ARHGAP35: variants seen among roughly 807,000 people sequenced by gnomAD.
The protein encoded by ARHGAP35 is Rho GTPase activating protein 35.
A neutral mutation model predicts 111.1 loss-of-function variants in ARHGAP35; 15 were observed. The ratio of observed to expected loss-of-function variants is 0.13; its 90% confidence interval spans 0.09 to 0.21. The LOEUF (loss-of-function observed/expected upper bound fraction) is 0.21, where lower values mean the gene tolerates loss of function less well. Among genes scored for constraint, ARHGAP35 ranks in the 10% least tolerant of loss-of-function variants. ARHGAP35 has a pLI of 1.00. For synonymous variants in ARHGAP35, 643 were observed against 710.3 expected (o/e 0.91, Z 1.51); for missense variants, 1,262 against 1,873.0 (o/e 0.67, Z 6.02).
At chr19:46,876,609 GATTCA>G (rs2055923571) in intron 1 of ARHGAP35, among the ~76,000 whole-genome samples, 1 of 151,960 alleles carries the variant, frequency 6.6e-6, no homozygotes, top group Non-Finnish European at 1.5e-5. Flanking sequence ...CTGACCTCAT[GATTCA>G]CCTGCCTCGG....
chr19:46,959,818 G>A (rs956553282), intron 3 of ARHGAP35, among the ~76,000 whole-genome samples: 6 of 150,308 alleles, frequency 4.0e-5, no homozygotes, highest in South Asian at 2.1e-4. Flanking sequence ...AGCCAGGTGC[G>A]AGTGTGGTGG....
chr19:46,913,931 CGG>C (rs960047572), intron 1 of ARHGAP35, among the ~76,000 whole-genome samples: 3 of 152,242 alleles, frequency 2.0e-5, no homozygotes, highest in African/African-American at 7.2e-5. Context: ...TGGATATGCC[CGG>C]TCTCCTACTT....
intron 3 of ARHGAP35, among the ~76,000 whole-genome samples, chr19:46,973,772 G>A (rs567594083): frequency 6.6e-6 from 1 of 152,132 alleles, no homozygotes; most frequent in South Asian, 2.1e-4. Flanking sequence ...TGGATCACAA[G>A]GTCAGGAGTT....
chr19:46,916,982 A>C (rs1397499329), intron 1 of ARHGAP35, among the ~76,000 whole-genome samples: 1 of 149,960 alleles, frequency 6.7e-6, no homozygotes, highest in East Asian at 1.9e-4. Context: ...TCTTTTTTTT[A>C]CTGTGTTAAA....
chr19:46,981,158 G>A (rs1290699299), intron 3 of ARHGAP35, among the ~76,000 whole-genome samples: 1 of 152,196 alleles, frequency 6.6e-6, no homozygotes, highest in Non-Finnish European at 1.5e-5. Flanking sequence ...TGCTCAAAGA[G>A]TTTCCTTCTC....
chr19:46,885,189 C>A (rs989382863), intron 1 of ARHGAP35, among the ~76,000 whole-genome samples: 2 of 152,166 alleles, frequency 1.3e-5, no homozygotes, highest in African/African-American at 4.8e-5. Flanking sequence ...ATCTCATTCC[C>A]CTGTGAACTC....
Position 46,962,398 on chromosome 19 carries a change from A to G in ARHGAP35, c.3826+24990A>G, listed in dbSNP as rs532993479. Among the ~76,000 whole-genome samples the G allele has an allele frequency of 2.6e-5, 4 of 152,268 alleles. No individual in the cohort carries two copies. The East Asian group carries it at 7.7e-4, about 29-fold the overall frequency. ...CTTGGAAAGGCCGTGAATGTGTGAC[A>G]ATGTCTCTCACCTTGAGGCCCCTGA... On this transcript the variant is annotated intron_variant, in intron 3 of 6. Transcript: ENST00000672722.
chr19:46,868,757 T>C (rs1371751269), intron 1 of ARHGAP35, among the ~76,000 whole-genome samples: 2 of 152,154 alleles, frequency 1.3e-5, no homozygotes, highest in African/African-American at 2.4e-5. Context: ...GATTTTTCTT[T>C]AGGCAACTAA....
intron 1 of ARHGAP35, among the ~76,000 whole-genome samples, chr19:46,862,945 C>T (rs1260579789): frequency 6.6e-6 from 1 of 151,964 alleles, no homozygotes; most frequent in Non-Finnish European, 1.5e-5. Context: ...CCTATGTATT[C>T]CCCCCCACCT....
chr19:46,893,732 C>A (rs1450017950), intron 1 of ARHGAP35, among the ~76,000 whole-genome samples: 4 of 151,792 alleles, frequency 2.6e-5, no homozygotes, highest in South Asian at 2.1e-4. Context: ...GGACTTAAAT[C>A]TTTCAATAAG....
intron 3 of ARHGAP35, among the ~76,000 whole-genome samples, chr19:46,983,468 T>C (rs1599864824): frequency 6.6e-6 from 1 of 152,124 alleles, no homozygotes; most frequent in East Asian, 1.9e-4. Flanking sequence ...CAGGTATTCA[T>C]CTTTTTAAAC....
At chr19:46,911,902 C>G (rs1168710715) in intron 1 of ARHGAP35, among the ~76,000 whole-genome samples, 2 of 152,012 alleles carry the variant, frequency 1.3e-5, no homozygotes, top group Non-Finnish European at 2.9e-5. Flanking sequence ...TCTAATTTAT[C>G]TTTATTCAAA....
intron 1 of ARHGAP35, among the ~76,000 whole-genome samples, chr19:46,879,496 A>G (rs140026693): frequency 3.2e-3 from 294 of 92,766 alleles, no homozygotes; most frequent in Non-Finnish European, 5.6e-3. Context: ...CTGAGGTAGA[A>G]GAATCGATTG....
chr19:46,867,777 T>G (rs1425760596), intron 1 of ARHGAP35, among the ~76,000 whole-genome samples: 1 of 147,952 alleles, frequency 6.8e-6, no homozygotes, highest in Admixed American at 6.8e-5. Context: ...GTTGTTGTTG[T>G]TTTTTTTTTG....
At chr19:46,931,141 C>T (rs1304588886) in intron 2 of ARHGAP35, among the ~76,000 whole-genome samples, 1 of 152,166 alleles carries the variant, frequency 6.6e-6, no homozygotes, top group Non-Finnish European at 1.5e-5. Context: ...GTGTGAGCAG[C>T]ACAGTGTAAG....
rs148283364 is a variant in ARHGAP35, at chr19:47,001,033, G to T, written c.*345G>T. 14 of 1,413,414 alleles carry T rather than the reference G, an allele frequency of 9.9e-6. No homozygotes were observed. The African/African-American group carries it at 1.7e-4, about 17-fold the overall frequency. 87.6% of individuals were successfully genotyped at this position (1,413,414 alleles called of 1,614,324 possible). On this transcript the variant is annotated 3_prime_UTR_variant, in exon 7 of 7. Transcript: ENST00000672722. The surrounding 1 kb of genome is among the most constrained non-coding windows in gnomAD (Gnocchi z 5.4). ...CTCTGCTTGTACAGAGCCCATGGTC[G>T]GGACAGTGCCCTGGCCTTTGCCGGG...
At chr19:46,880,214 C>G (rs2055953484) in intron 1 of ARHGAP35, among the ~76,000 whole-genome samples, 1 of 152,108 alleles carries the variant, frequency 6.6e-6, no homozygotes, top group African/African-American at 2.4e-5. Context: ...GGGTGAGTCA[C>G]CTGAGGTCAG....
intron 3 of ARHGAP35, among the ~76,000 whole-genome samples, chr19:46,956,126 TGG>T (rs2056437848): frequency 6.6e-6 from 1 of 152,130 alleles, no homozygotes; most frequent in Non-Finnish European, 1.5e-5. Context: ...GAGACCAGCA[TGG>T]GCAAGATGGA....
chr19:46,978,872 G>T (rs1475177494), intron 3 of ARHGAP35, among the ~76,000 whole-genome samples: 2 of 121,148 alleles, frequency 1.7e-5, no homozygotes, highest in African/African-American at 6.4e-5. Context: ...GTGGGGTTTG[G>T]TGGGATTGTG....
Sources: gnomAD v4.1 joint callset for allele counts (sites outside exome capture counted in the v4.1 genomes callset) on GRCh38, gnomAD v4.1.1 for gene constraint, Gnocchi (gnomAD v3.1) non-coding constraint, MANE v1.5 for transcripts, NCBI Gene and HGNC (gene_info 2026-07-23, HGNC 2026-07-21) for gene names.